The following RANBP3 variants were observed in gnomAD, a reference collection of about 807,000 sequenced individuals.
RANBP3 encodes the protein ran-binding protein 3.
Under a neutral mutation model 77.3 loss-of-function variants are expected in RANBP3, and 14 were observed. The observed-to-expected ratio is 0.18, with a 90% CI of 0.12 to 0.28. The LOEUF (loss-of-function observed/expected upper bound fraction) is 0.28, where lower values mean the gene tolerates loss of function less well. RANBP3 is among the 10% of genes least tolerant of loss of function. The pLI, the probability that RANBP3 is intolerant of heterozygous loss-of-function variation, is 1.00. For synonymous variants in RANBP3, 315 were observed against 312.4 expected, an observed-to-expected ratio of 1.01 and a Z score of -0.09; for missense variants, 586 against 752.3, an observed-to-expected ratio of 0.78 and a Z score of 2.59.
intron 2 of RANBP3, among the ~76,000 whole-genome samples, chr19:5,951,921 G>A (rs1478839716): frequency 6.6e-6 from 1 of 152,188 alleles, no homozygotes; most frequent in Non-Finnish European, 1.5e-5. Flanking sequence ...GGTGATCAAG[G>A]GACAGGGACG....
At chr19:5,933,158 C>T (rs1436814685) in intron 6 of RANBP3, 6 of 449,312 alleles carry the variant, frequency 1.3e-5, no homozygotes, top group South Asian at 3.5e-5. Context: ...GCATGGAGCC[C>T]GCCCGATGCA....
intron 1 of RANBP3, among the ~76,000 whole-genome samples, chr19:5,961,971 T>C (rs2058408598): frequency 6.6e-6 from 1 of 151,756 alleles, no homozygotes; most frequent in African/African-American, 2.4e-5. Context: ...GGCCAGTGCT[T>C]ACTCCTGCAC....
chr19:5,976,354 AAATAT>A (rs1477086507), intron 1 of RANBP3: 9 of 152,144 alleles, frequency 5.9e-5, no homozygotes, highest in African/African-American at 2.2e-4. Context: ...TAAATACATA[AAATAT>A]GTCATACTGA....
chr19:5,923,707 C>T (rs1387467023), intron 12 of RANBP3, 105 bp downstream of exon 12: 13 of 822,836 alleles, frequency 1.6e-5, no homozygotes, highest in Non-Finnish European at 2.6e-5. Context: ...GTTACTGCTG[C>T]GGGAGTCGGG....
At chr19:5,918,185 T>G (rs930301381) in intron 15 of RANBP3, among the ~76,000 whole-genome samples, 4 of 152,054 alleles carry the variant, frequency 2.6e-5, no homozygotes, top group African/African-American at 9.7e-5. Flanking sequence ...GAGGTCAGGG[T>G]TGGTGGACTC....
Position 5,951,391 on chromosome 19 carries a change from AC to A in RANBP3, c.282+1del. On this transcript the variant is annotated splice_donor_variant, in intron 3 of 16. Transcript: ENST00000340578. LOFTEE classifies it high-confidence loss of function. ...AGGAGTGCCGGGTAGGTGTGGACTT[AC>A]CCCTGCCAGTTCTCGCGGAAAAGGA... 6.4e-7 allele frequency: 1 copy of A among 1,552,230 alleles called. No homozygotes were observed. The highest frequency in any genetic ancestry group is 8.7e-7 in the Non-Finnish European group (1 of 1,147,616).
chr19:5,966,754 G>A (rs1057511002), intron 1 of RANBP3, among the ~76,000 whole-genome samples: 7 of 152,112 alleles, frequency 4.6e-5, no homozygotes, highest in African/African-American at 1.2e-4. Flanking sequence ...CTGTTTATTC[G>A]CCTCCTGACT....
intron 5 of RANBP3, chr19:5,935,958 A>G (rs986531606): frequency 2.8e-6 from 1 of 352,030 alleles, no homozygotes; most frequent in African/African-American, 2.1e-5. Context: ...GATGCGCATC[A>G]CTCCAGAGAG....
chr19:5,977,044 C>G (rs2058600771), intron 1 of RANBP3, among the ~76,000 whole-genome samples: 1 of 152,226 alleles, frequency 6.6e-6, no homozygotes, highest in Non-Finnish European at 1.5e-5. Context: ...TGCACCACAC[C>G]TGGTAACTAC....
chr19:5,925,031 G>T (rs1247835907), intron 10 of RANBP3, 126 bp from the exon 11 acceptor site: 3 of 842,188 alleles, frequency 3.6e-6, no homozygotes, highest in African/African-American at 1.7e-5. Flanking sequence ...CACTGTGCAC[G>T]GGGTGGCGTG....
At chr19:5,925,268 C>T in intron 10 of RANBP3, 1 of 469,276 alleles carries the variant, frequency 2.1e-6, no homozygotes, top group Non-Finnish European at 3.9e-6. Flanking sequence ...GTCTTTGCCC[C>T]AGGTGCCCAA....
chr19:5,921,337 C>T lies in RANBP3; in HGVS notation c.1210-16G>A, dbSNP rs754025282. The T allele has an allele frequency of 8.1e-6, 13 of 1,612,328 alleles. No homozygotes were observed. In the Admixed American group the frequency reaches 8.3e-5, roughly 10 times the overall value. On this transcript the variant is annotated splice_polypyrimidine_tract_variant and intron_variant, in intron 13 of 16. Transcript: ENST00000340578. This position sits in a 1 kb window ranked among gnomAD's most constrained non-coding sequence, Gnocchi z 5.3. ...TGCACTGCATCTGGAACACAGTGGC[C>T]GCCGGTAAGCAGGGACCCCAGCTGG... is the stretch of plus-strand genomic sequence containing the variant.
At chr19:5,962,142 C>G (rs955815223) in intron 1 of RANBP3, among the ~76,000 whole-genome samples, 2 of 152,162 alleles carry the variant, frequency 1.3e-5, no homozygotes, top group African/African-American at 4.8e-5. Flanking sequence ...CAACACCCTG[C>G]AATGAGTGTT....
chr19:5,962,281 C>T (rs1181009408), intron 1 of RANBP3, among the ~76,000 whole-genome samples: 4 of 152,172 alleles, frequency 2.6e-5, no homozygotes, highest in Admixed American at 1.3e-4. Flanking sequence ...TGAGGGCAGA[C>T]GCTTCAGGAG....
rs1395729463 is a variant in RANBP3, at chr19:5,928,596, G to GTGTGTA, written c.694-515_694-510dup. ...AGTCCCGTGTGTGTGGTGTGTGTGT[G>GTGTGTA]TGTGTATGTGTGGTGTGTATGTGTG... On this transcript the variant is annotated intron_variant, in intron 8 of 16. Transcript: ENST00000340578. 1.2e-3 allele frequency among the ~76,000 whole-genome samples: 189 copies of GTGTGTA among 152,126 alleles called. 1 individual carries two copies. Among genetic ancestry groups the GTGTGTA allele is most frequent in the African/African-American group, 4.4e-3 (184 of 41,482 alleles).
rs1295481504 is a variant in RANBP3, at chr19:5,924,934, G to A, written c.918-29C>T. ...AAGAGAAGATGTGCAATGAGTGTGG[G>A]GCGTCACGTGGGAACGTGGCCAGGC... On this transcript the variant is annotated intron_variant, in intron 10 of 16. Transcript: ENST00000340578. The surrounding 1 kb of genome is among the most constrained non-coding windows in gnomAD (Gnocchi z 4.7). The A allele has an allele frequency of 1.3e-6, 2 of 1,594,760 alleles. No homozygotes were observed.
intron 4 of RANBP3, 44 bp downstream of exon 4, chr19:5,941,755 T>A (rs751895480): frequency 1.9e-6 from 3 of 1,612,558 alleles, no homozygotes; most frequent in Non-Finnish European, 2.5e-6. Context: ...GTTGCTTCTG[T>A]CTTTAAAACT....
At chr19:5,936,493 G>C (rs758283639) in intron 5 of RANBP3, among the ~76,000 whole-genome samples, 1 of 152,222 alleles carries the variant, frequency 6.6e-6, no homozygotes, top group African/African-American at 2.4e-5. Context: ...TGTCCGCGGA[G>C]GGCCGGGAGC....
chr19:5,955,557 A>G (rs547836917), intron 2 of RANBP3, among the ~76,000 whole-genome samples: 2 of 152,360 alleles, frequency 1.3e-5, no homozygotes, highest in East Asian at 3.9e-4. Context: ...AACAGTACTG[A>G]CACAGCAGCT....
Sources: gnomAD v4.1 joint callset for allele counts (sites outside exome capture counted in the v4.1 genomes callset) on GRCh38, gnomAD v4.1.1 for gene constraint, Gnocchi (gnomAD v3.1) non-coding constraint, MANE v1.5 for transcripts, NCBI Gene and HGNC (gene_info 2026-07-23, HGNC 2026-07-21) for gene names.